KCTD1: variants seen among roughly 807,000 people sequenced by gnomAD.
KCTD1 encodes BTB/POZ domain-containing protein KCTD1.
Under a neutral mutation model 66.0 loss-of-function variants are expected in KCTD1, and 24 were observed. The ratio of observed to expected loss-of-function variants is 0.36; its 90% confidence interval spans 0.26 to 0.51. KCTD1 has a LOEUF of 0.51. Ranked by LOEUF, KCTD1 falls within the 20% of genes least tolerant of loss-of-function variation. KCTD1 has a pLI of 0.95. For synonymous variants in KCTD1, 511 were observed against 517.2 expected (o/e 0.99, Z 0.16); for missense variants, 943 against 1,205.2 (o/e 0.78, Z 3.22).
rs181012847 is a variant in KCTD1 at position 26,476,938 on chromosome 18, C to G, written c.1989-279G>C. 2.6e-3 allele frequency: 836 copies of G among 317,118 alleles called. 1 individual carries two copies. The highest frequency in any genetic ancestry group is 0.015 in the African/African-American group (683 of 45,948). 19.6% of individuals were successfully genotyped at this position (317,118 alleles called of 1,614,324 possible). A position where few individuals can be genotyped will look rare whatever the true frequency, so the allele number is the denominator to read the frequency against. On this transcript the variant is annotated intron_variant, in intron 2 of 4. Transcript: ENST00000580059. The surrounding 1 kb of genome is among the most constrained non-coding windows in gnomAD (Gnocchi z 4.9). Reference sequence around the variant, plus strand: ...TGGTGATTACGGCTAAGTGCTGTCACTGTAATGGAAGATCACATCTTTCCC... The same window carrying G: ...TGGTGATTACGGCTAAGTGCTGTCAGTGTAATGGAAGATCACATCTTTCCC...
At chr18:26,564,985 A>G (rs1985949129) in intron 1 of KCTD1, among the ~76,000 whole-genome samples, 1 of 152,260 alleles carries the variant, frequency 6.6e-6, no homozygotes, top group African/African-American at 2.4e-5. Context: ...TCAAAAGGAA[A>G]GAGATACTTG....
At chr18:26,534,039 A>T (rs1984574335) in intron 1 of KCTD1, among the ~76,000 whole-genome samples, 1 of 152,272 alleles carries the variant, frequency 6.6e-6, no homozygotes, top group African/African-American at 2.4e-5. Flanking sequence ...GATCTCCATA[A>T]GTACACTGCT....
intron 3 of KCTD1, among the ~76,000 whole-genome samples, chr18:26,460,369 A>G (rs76940017): frequency 0.023 from 3,560 of 152,300 alleles, 53 homozygotes; most frequent in Middle Eastern, 0.044. Context: ...GAACGCATAT[A>G]TTGACCAAGG....
chr18:26,471,524 A>AT, intron 3 of KCTD1, among the ~76,000 whole-genome samples: 1 of 152,146 alleles, frequency 6.6e-6, no homozygotes, highest in South Asian at 2.1e-4. Flanking sequence ...AACTCATGAT[A>AT]CAGTTTTTAA....
chr18:26,492,412 T>A (rs1423260120), intron 2 of KCTD1, among the ~76,000 whole-genome samples: 1 of 151,908 alleles, frequency 6.6e-6, no homozygotes, highest in Non-Finnish European at 1.5e-5. Flanking sequence ...GGAGGGTGGA[T>A]CACTTGAGCC....
intron 1 of KCTD1, among the ~76,000 whole-genome samples, chr18:26,532,695 T>C (rs771205039): frequency 3.9e-5 from 6 of 152,318 alleles, no homozygotes; most frequent in East Asian, 1.9e-4. Context: ...CTTTACGCAG[T>C]GCCTTATTGT....
intron 1 of KCTD1, among the ~76,000 whole-genome samples, chr18:26,605,400 T>C (rs1319136077): frequency 6.6e-6 from 1 of 152,244 alleles, no homozygotes. Context: ...TTATAGCTTC[T>C]CACCTGAATT....
chr18:26,548,981 G>A, upstream of KCTD1: 1 of 985,494 alleles, frequency 1.0e-6, no homozygotes, highest in Non-Finnish European at 1.2e-6. Context: ...TAATGCCCGA[G>A]GAGCAGTGCC....
Position 26,547,324 on chromosome 18 carries a change from A to T in KCTD1, c.1213T>A (p.Phe405Ile), listed in dbSNP as rs1411816387. The change falls in exon 1 of 5, where the codon TTC (phenylalanine) becomes ATC (isoleucine). Residue 405 changes from phenylalanine (F) to isoleucine (I), a missense_variant. Physicochemically the swap from Phe to Ile is conservative, Grantham distance 21 (BLOSUM62 0). This residue lies in a region of KCTD1 where 79 missense variants were observed against 133.9 expected (regional missense o/e 0.59). Transcript: ENST00000580059. ...CAGTGGTCCCGGGGCCGCTGGAAGA[A>T]CGCCTTGCAGAGAGGGTTGCGTTTC... ...LSKRNPLCKA[F>I]FQRPRDHCSE... is the part of the protein sequence containing the mutation. 6.4e-7 allele frequency: 1 copy of T among 1,551,542 alleles called. No homozygotes were observed. Among genetic ancestry groups the T allele is most frequent in the Admixed American group, 2.0e-5 (1 of 51,004 alleles).
intron 3 of KCTD1, among the ~76,000 whole-genome samples, chr18:26,475,092 C>T (rs1166195437): frequency 1.3e-5 from 2 of 152,102 alleles, no homozygotes; most frequent in South Asian, 2.1e-4. Context: ...CTATTCTTCT[C>T]CATTGATTTG....
At position 26,584,059 on chromosome 18, in the gene KCTD1, G is replaced by C. The variant is rs140607337; in HGVS notation, c.-16+45088C>G. Among the ~76,000 whole-genome samples the C allele has an allele frequency of 7.8e-4, 119 of 152,278 alleles. No homozygotes were observed. The East Asian group carries it at 0.014, about 18-fold the overall frequency. The stretch of plus-strand genomic sequence containing the variant: ...TATTTTCCAGAATCCAGTTGGGTTT[G>C]GTGCCAGCCCAGAAGGTTTTGTGTA... On this transcript the variant is annotated intron_variant, in intron 1 of 4. Transcript: ENST00000317932.
At chr18:26,654,991 C>T (rs1988102842) in intron 1 of KCTD1, among the ~76,000 whole-genome samples, 1 of 152,194 alleles carries the variant, frequency 6.6e-6, no homozygotes, top group Non-Finnish European at 1.5e-5. Context: ...GCCCATTATC[C>T]AGGAGACAAA....
intron 1 of KCTD1, among the ~76,000 whole-genome samples, chr18:26,598,141 A>G (rs1986810375): frequency 6.6e-6 from 1 of 152,152 alleles, no homozygotes; most frequent in Non-Finnish European, 1.5e-5. Flanking sequence ...CCACTAATCA[A>G]TCAGCTTGCT....
At chr18:26,518,026 A>C (rs1983743294) in intron 1 of KCTD1, among the ~76,000 whole-genome samples, 1 of 152,192 alleles carries the variant, frequency 6.6e-6, no homozygotes, top group Admixed American at 6.5e-5. Context: ...AAATAAGTCT[A>C]CCTGCAGGCT....
At chr18:26,636,787 A>G (rs578024393) in intron 1 of KCTD1, among the ~76,000 whole-genome samples, 136 of 152,288 alleles carry the variant, frequency 8.9e-4, no homozygotes, top group South Asian at 1.5e-3. Context: ...AGAGAAACCC[A>G]AAGTGTTCAT....
At chr18:26,462,662 T>G (rs1980497998) in intron 3 of KCTD1, among the ~76,000 whole-genome samples, 1 of 152,226 alleles carries the variant, frequency 6.6e-6, no homozygotes, top group Non-Finnish European at 1.5e-5. Flanking sequence ...TGTGTCTGTC[T>G]TTCTATCCTG....
At chr18:26,467,782 T>C (rs1255864196) in intron 3 of KCTD1, among the ~76,000 whole-genome samples, 1 of 152,078 alleles carries the variant, frequency 6.6e-6, no homozygotes, top group Non-Finnish European at 1.5e-5. Flanking sequence ...ACCATTGCAC[T>C]CCAGCCTGGG....
At chr18:26,499,748 T>C (rs1424984889) in intron 2 of KCTD1, among the ~76,000 whole-genome samples, 1 of 152,236 alleles carries the variant, frequency 6.6e-6, no homozygotes, top group Admixed American at 6.5e-5. Flanking sequence ...TAAGACATTC[T>C]GAAAAATGTG....
At chr18:26,498,413 A>G (rs1982588343) in intron 2 of KCTD1, among the ~76,000 whole-genome samples, 1 of 150,894 alleles carries the variant, frequency 6.6e-6, no homozygotes, top group Non-Finnish European at 1.5e-5. Flanking sequence ...CATCTGTTTC[A>G]TAGTTCAGCG....
Sources: allele counts gnomAD v4.1 joint callset (sites outside exome capture counted in the v4.1 genomes callset), GRCh38; gene constraint gnomAD v4.1.1; regional missense constraint gnomAD v4.1.1; non-coding constraint Gnocchi (gnomAD v3.1); transcripts MANE v1.5; gene names NCBI Gene and HGNC (gene_info 2026-07-23, HGNC 2026-07-21).